Variants in DLC1 observed in about 807,000 individuals in gnomAD.
The protein encoded by DLC1 is DLC1 Rho GTPase activating protein.
In DLC1, 54 loss-of-function variants were observed where a neutral mutation model predicts 140.3. The observed-to-expected ratio is 0.38, with a 90% CI of 0.31 to 0.48. The LOEUF is 0.48. Among genes scored for constraint, DLC1 ranks in the 20% least tolerant of loss-of-function variants. The probability of loss-of-function intolerance (pLI) is 0.96; values close to 1 mark genes in which losing one functional copy is unlikely to be tolerated. For synonymous variants in DLC1, 986 were observed against 728.1 expected (o/e 1.35, Z -5.70); for missense variants, 2,536 against 1,907.0 (o/e 1.33, Z -6.14).
chr8:13,349,701 G>T (rs1454867215), intron 4 of DLC1, among the ~76,000 whole-genome samples: 1 of 152,216 alleles, frequency 6.6e-6, no homozygotes, highest in African/African-American at 2.4e-5. Context: ...TGCTGATGGT[G>T]TTGGGTGAGG....
At chr8:13,088,818 TTAAA>T in intron 15 of DLC1, 114 bp from the exon 16 acceptor site, 1 of 779,476 alleles carries the variant, frequency 1.3e-6, no homozygotes, top group Non-Finnish European at 2.0e-6. Context: ...CGTTAATTGA[TTAAA>T]TGATATAAAT....
At chr8:13,473,307 C>G (rs940410874) in intron 2 of DLC1, among the ~76,000 whole-genome samples, 4 of 152,100 alleles carry the variant, frequency 2.6e-5, no homozygotes, top group African/African-American at 9.7e-5. Flanking sequence ...GTAATTGAAT[C>G]ATGGGGGCAG....
At chr8:13,357,697 C>T (rs959455991) in intron 4 of DLC1, among the ~76,000 whole-genome samples, 6 of 152,216 alleles carry the variant, frequency 3.9e-5, no homozygotes, top group Non-Finnish European at 5.9e-5. Flanking sequence ...CAATTCTTTT[C>T]ATCTTCAGGT....
intron 5 of DLC1, among the ~76,000 whole-genome samples, chr8:13,265,717 C>A (rs913235360): frequency 2.6e-5 from 4 of 151,456 alleles, no homozygotes; most frequent in Non-Finnish European, 5.9e-5. Flanking sequence ...CCTCTTCTCT[C>A]CCCTCTCCTC....
chr8:13,563,788 A>G (rs1198430678), intron 1 of DLC1, among the ~76,000 whole-genome samples: 2 of 152,238 alleles, frequency 1.3e-5, no homozygotes, highest in Non-Finnish European at 2.9e-5. Flanking sequence ...CAAAAAAACT[A>G]GAAATACCTT....
chr8:13,318,767 C>G (rs1244550482), intron 4 of DLC1, among the ~76,000 whole-genome samples: 1 of 152,224 alleles, frequency 6.6e-6, no homozygotes, highest in East Asian at 1.9e-4. Context: ...GCCATGGACA[C>G]ATTTTCCCTT....
chr8:13,414,244 G>C (rs112968666), intron 2 of DLC1, among the ~76,000 whole-genome samples: 115 of 152,216 alleles, frequency 7.6e-4, no homozygotes, highest in African/African-American at 2.3e-3. Flanking sequence ...CATAATGACT[G>C]AGTATCCTTA....
chr8:13,408,639 T>C (rs1486804009), intron 2 of DLC1, among the ~76,000 whole-genome samples: 5 of 152,138 alleles, frequency 3.3e-5, no homozygotes, highest in African/African-American at 1.2e-4. Context: ...ATTTCGTAAG[T>C]ATGCTGGAAC....
At chr8:13,265,300 G>T (rs1830640651) in intron 5 of DLC1, among the ~76,000 whole-genome samples, 1 of 152,120 alleles carries the variant, frequency 6.6e-6, no homozygotes, top group South Asian at 2.1e-4. Context: ...TACATTATGA[G>T]CTGACTACAC....
intron 2 of DLC1, among the ~76,000 whole-genome samples, chr8:13,423,865 C>T (rs1452479138): frequency 1.3e-5 from 2 of 152,040 alleles, no homozygotes; most frequent in East Asian, 3.9e-4. Flanking sequence ...TCTAAACGTC[C>T]TTGTGGACTG....
chr8:13,449,197 G>A lies in DLC1; in HGVS notation c.1024-47578C>T, dbSNP rs994940830. 2.0e-5 allele frequency among the ~76,000 whole-genome samples: 3 copies of A among 152,272 alleles called. No homozygotes were observed. In the South Asian group the frequency reaches 6.2e-4, roughly 32 times the overall value. ...GACAAAGACCCTTTTTATGTAGAAA[G>A]CTAAATATATTGTTGGACTTGAGTA... is the stretch of plus-strand genomic sequence containing the variant. On this transcript the variant is annotated intron_variant, in intron 2 of 17. Transcript: ENST00000276297.
chr8:13,222,379 T>C (rs985553921), intron 5 of DLC1, among the ~76,000 whole-genome samples: 8 of 152,202 alleles, frequency 5.3e-5, no homozygotes, highest in African/African-American at 1.9e-4. Context: ...GTTTGAGACA[T>C]TACATTCCAT....
intron 2 of DLC1, among the ~76,000 whole-genome samples, chr8:13,497,088 C>T (rs1412136955): frequency 6.6e-6 from 1 of 152,110 alleles, no homozygotes; most frequent in South Asian, 2.1e-4. Flanking sequence ...GCATGAGACA[C>T]CGCGCCTGGC....
intron 5 of DLC1, among the ~76,000 whole-genome samples, chr8:13,146,131 C>T (rs1202693012): frequency 2.0e-5 from 3 of 151,888 alleles, no homozygotes; most frequent in African/African-American, 4.8e-5. Flanking sequence ...AAAAATTAGC[C>T]GGACATAGTC....
intron 1 of DLC1, among the ~76,000 whole-genome samples, chr8:13,571,516 T>G (rs1346398016): frequency 6.6e-6 from 1 of 152,250 alleles, no homozygotes; most frequent in Admixed American, 6.5e-5. Context: ...AGTTGTAGCA[T>G]GTATCAGAAC....
intron 5 of DLC1, among the ~76,000 whole-genome samples, chr8:13,208,597 G>T (rs911506440): frequency 5.3e-5 from 8 of 152,028 alleles, no homozygotes; most frequent in African/African-American, 1.7e-4. Flanking sequence ...TCGAACTTCT[G>T]CTTCCTTTCT....
chr8:13,251,548 G>A (rs2117286839), intron 5 of DLC1, among the ~76,000 whole-genome samples: 1 of 152,228 alleles, frequency 6.6e-6, no homozygotes, highest in East Asian at 1.9e-4. Context: ...ATGACAAACT[G>A]CATTGAGGCA....
intron 5 of DLC1, among the ~76,000 whole-genome samples, chr8:13,172,942 C>G (rs993928172): frequency 1.3e-5 from 2 of 152,128 alleles, no homozygotes; most frequent in South Asian, 4.1e-4. Flanking sequence ...GATTACAGAC[C>G]CTTACTGGGT....
chr8:13,326,455 T>C (rs998543473), intron 4 of DLC1, among the ~76,000 whole-genome samples: 7 of 152,188 alleles, frequency 4.6e-5, no homozygotes, highest in Non-Finnish European at 7.3e-5. Flanking sequence ...AGAGGACATA[T>C]AATTGTGCAT....
Sources: allele counts gnomAD v4.1 joint callset (sites outside exome capture counted in the v4.1 genomes callset), GRCh38; gene constraint gnomAD v4.1.1; transcripts MANE v1.5; gene names NCBI Gene and HGNC (gene_info 2026-07-23, HGNC 2026-07-21).